TBCD: variants seen among roughly 807,000 people sequenced by gnomAD.
The protein encoded by TBCD is tubulin folding cofactor D.
TBCD carries 105 observed loss-of-function variants against 169.3 expected under a neutral mutation model. The observed-to-expected ratio is 0.62, with a 90% CI of 0.53 to 0.73. The LOEUF is 0.73. TBCD is among the 30% of genes least tolerant of loss of function. TBCD has a pLI of 0.00. For synonymous variants in TBCD, 700 were observed against 643.9 expected (o/e 1.09, Z -1.32); for missense variants, 1,444 against 1,600.1 (o/e 0.90, Z 1.66).
intron 3 of TBCD, among the ~76,000 whole-genome samples, chr17:82,765,440 G>A (rs573788600): frequency 1.1e-4 from 16 of 152,264 alleles, no homozygotes; most frequent in African/African-American, 2.9e-4. Flanking sequence ...CAAGCTTGCG[G>A]GTGTCTGTGT....
chr17:82,878,165 G>A (rs1163265467), intron 14 of TBCD, among the ~76,000 whole-genome samples: 1 of 152,196 alleles, frequency 6.6e-6, no homozygotes, highest in Non-Finnish European at 1.5e-5. Flanking sequence ...TGGTCTGCCC[G>A]GGACCCCGCA....
Position 82,833,932 on chromosome 17 carries a change from G to A in TBCD, c.1318+18998G>A, listed in dbSNP as rs984690321. On this transcript the variant is annotated intron_variant, in intron 13 of 38. Transcript: ENST00000355528. The surrounding 1 kb of genome is among the most constrained non-coding windows in gnomAD (Gnocchi z 4.7). ...TCAGAGGCTGTGCCGCACGCCCAAGGCTGAGAACAAAGGCTGTTTTTCTTT... is the reference window on the plus strand; with the variant it reads ...TCAGAGGCTGTGCCGCACGCCCAAGACTGAGAACAAAGGCTGTTTTTCTTT... Among the ~76,000 whole-genome samples, 1 of 151,584 alleles carries A rather than the reference G, an allele frequency of 6.6e-6. No homozygotes were observed. Among genetic ancestry groups the A allele is most frequent in the Non-Finnish European group, 1.5e-5 (1 of 67,916 alleles).
At chr17:82,814,817 C>G in intron 12 of TBCD, 23 bp from the exon 13 acceptor site, 1 of 1,613,140 alleles carries the variant, frequency 6.2e-7, no homozygotes, top group Non-Finnish European at 8.5e-7. Flanking sequence ...GGGCTGTGGT[C>G]TCAGGATCTT....
intron 5 of TBCD, among the ~76,000 whole-genome samples, chr17:82,771,595 CATT>C (rs1434512690): frequency 6.6e-6 from 1 of 152,106 alleles, no homozygotes; most frequent in Non-Finnish European, 1.5e-5. Context: ...ATTTTTGTGT[CATT>C]AGTAGAGACG....
intron 15 of TBCD, among the ~76,000 whole-genome samples, chr17:82,887,174 C>CGT (rs1567961719): frequency 1.3e-4 from 8 of 60,142 alleles, no homozygotes; most frequent in Non-Finnish European, 2.0e-4. Flanking sequence ...TGTGTGCGCG[C>CGT]GCGCGCACGT....
chr17:82,781,550 C>T (rs756575738), intron 6 of TBCD, 39 bp from the exon 7 acceptor site: 59 of 1,610,504 alleles, frequency 3.7e-5, no homozygotes, highest in South Asian at 1.1e-5. Flanking sequence ...GGCGAGGTCT[C>T]AGTGCTGAGG....
At chr17:82,766,666 G>A (rs2048033461) in intron 4 of TBCD, among the ~76,000 whole-genome samples, 1 of 152,004 alleles carries the variant, frequency 6.6e-6, no homozygotes, top group African/African-American at 2.4e-5. Context: ...TAACTGTGTT[G>A]GGTTCCCAAG....
chr17:82,805,162 A>G (rs1465776487), intron 9 of TBCD, among the ~76,000 whole-genome samples: 2 of 152,252 alleles, frequency 1.3e-5, no homozygotes, highest in Non-Finnish European at 2.9e-5. Flanking sequence ...CGCCGAGCGC[A>G]GACTCTGACG....
chr17:82,891,247 G>A (rs1464783193), intron 16 of TBCD, among the ~76,000 whole-genome samples: 1 of 152,230 alleles, frequency 6.6e-6, no homozygotes, highest in Non-Finnish European at 1.5e-5. Context: ...GGCAGCTCAG[G>A]TTGGGGATTG....
intron 30 of TBCD, 45 bp from the exon 31 acceptor site, chr17:82,929,068 A>T (rs1310997761): frequency 6.3e-7 from 1 of 1,585,486 alleles, no homozygotes; most frequent in Admixed American, 1.7e-5. Context: ...GCCCGCTCTT[A>T]ATTTACCGCC....
chr17:82,800,571 T>C (rs1269286528), intron 8 of TBCD, among the ~76,000 whole-genome samples: 3 of 152,134 alleles, frequency 2.0e-5, no homozygotes, highest in Admixed American at 6.5e-5. Flanking sequence ...TCTCCGTGGC[T>C]GCAGTGTGCC....
intron 13 of TBCD, among the ~76,000 whole-genome samples, chr17:82,820,856 A>C (rs2052360829): frequency 7.1e-6 from 1 of 140,858 alleles, no homozygotes; most frequent in African/African-American, 2.6e-5. Context: ...TTGTGTTAAT[A>C]TACATGTTGG....
chr17:82,846,151 G>C (rs2055017392), intron 13 of TBCD, among the ~76,000 whole-genome samples: 1 of 146,308 alleles, frequency 6.8e-6, no homozygotes, highest in Non-Finnish European at 1.5e-5. Flanking sequence ...GGATGGGACT[G>C]GGAGGCTTAG....
In TBCD at chr17:82,831,553, G is replaced by A; in HGVS notation, c.1318+16619G>A. On this transcript the variant is annotated intron_variant, in intron 13 of 38. Transcript: ENST00000355528. This position sits in a 1 kb window ranked among gnomAD's most constrained non-coding sequence, Gnocchi z 4.6. The stretch of plus-strand genomic sequence containing the variant: ...CTGGAAAAACCTGTAGTGATCGTAT[G>A]TGGCTGGAGATGGAGCCAGGTGCTT... 3 of 1,614,194 alleles carry A rather than the reference G, an allele frequency of 1.9e-6. No homozygotes were observed. Among genetic ancestry groups the A allele is most frequent in the Non-Finnish European group, 2.5e-6 (3 of 1,180,036 alleles).
intron 29 of TBCD, 103 bp downstream of exon 29, chr17:82,927,426 T>A: frequency 6.9e-7 from 1 of 1,444,932 alleles, no homozygotes; most frequent in East Asian, 2.5e-5. Context: ...CTTTGTAGAT[T>A]TGTGCCGTGT....
At chr17:82,858,402 C>A in intron 13 of TBCD, 1 of 169,882 alleles carries the variant, frequency 5.9e-6, no homozygotes, top group Non-Finnish European at 1.2e-5. Flanking sequence ...TACTTTCACA[C>A]CTTCCTAATT....
At chr17:82,844,995 G>A (rs570981905) in intron 13 of TBCD, among the ~76,000 whole-genome samples, 1 of 152,266 alleles carries the variant, frequency 6.6e-6, no homozygotes, top group South Asian at 2.1e-4. Flanking sequence ...CCAGAGGTGG[G>A]GGGTGCTTCC....
At chr17:82,941,831 A>G (rs2063311579) in intron 38 of TBCD, 1 of 317,324 alleles carries the variant, frequency 3.2e-6, no homozygotes, top group Non-Finnish European at 5.8e-6. Flanking sequence ...TCTGCTTCCC[A>G]TGAGTGGGGC....
intron 8 of TBCD, among the ~76,000 whole-genome samples, chr17:82,799,917 C>T (rs1249748248): frequency 6.6e-6 from 1 of 152,198 alleles, no homozygotes; most frequent in African/African-American, 2.4e-5. Context: ...GGCACCTCTG[C>T]CCGAGGTCAC....
Sources: allele counts gnomAD v4.1 joint callset (sites outside exome capture counted in the v4.1 genomes callset), GRCh38; gene constraint gnomAD v4.1.1; non-coding constraint Gnocchi (gnomAD v3.1); transcripts MANE v1.5; gene names NCBI Gene and HGNC (gene_info 2026-07-23, HGNC 2026-07-21).